The following RBMS3 variants were observed in gnomAD, a reference collection of about 807,000 sequenced individuals.
RBMS3 encodes the protein RNA-binding motif, single-stranded-interacting protein 3.
In RBMS3, 27 loss-of-function variants were observed where a neutral mutation model predicts 66.8. The observed-to-expected ratio is 0.40, with a 90% confidence interval of 0.30 to 0.56. The LOEUF is 0.56. Among genes scored for constraint, RBMS3 ranks in the 20% least tolerant of loss-of-function variants. The pLI is 0.40. For missense variants in RBMS3, 513 were observed against 549.5 expected (o/e 0.93, Z 0.66); for synonymous variants, 188 against 183.0 (o/e 1.03, Z -0.22).
intron 1 of RBMS3, among the ~76,000 whole-genome samples, chr3:29,384,591 C>A (rs141582669): frequency 2.0e-4 from 31 of 152,226 alleles, no homozygotes; most frequent in African/African-American, 7.2e-4. Context: ...CTACCTGTGT[C>A]GTAAAACAGG....
chr3:29,882,327 A>G (rs1182544699), intron 7 of RBMS3, among the ~76,000 whole-genome samples: 1 of 152,138 alleles, frequency 6.6e-6, no homozygotes, highest in Non-Finnish European at 1.5e-5. Flanking sequence ...CAAAAAAACA[A>G]AAACCTTTTT....
At chr3:29,917,215 T>C (rs1402607200) in intron 10 of RBMS3, among the ~76,000 whole-genome samples, 1 of 152,100 alleles carries the variant, frequency 6.6e-6, no homozygotes, top group Non-Finnish European at 1.5e-5. Context: ...AAAAATGCTA[T>C]GGCAAATGAT....
chr3:29,554,750 G>A (rs1221109317), intron 3 of RBMS3, among the ~76,000 whole-genome samples: 1 of 152,094 alleles, frequency 6.6e-6, no homozygotes, highest in African/African-American at 2.4e-5. Context: ...ACAGATATAA[G>A]AAACTATGAG....
chr3:29,651,017 AT>A (rs923072834), intron 4 of RBMS3, among the ~76,000 whole-genome samples: 1 of 151,886 alleles, frequency 6.6e-6, no homozygotes, highest in African/African-American at 2.4e-5. Context: ...TTAGTTGTTG[AT>A]TTTTTTTGAT....
At position 29,763,858 on chromosome 3, in the gene RBMS3, G is replaced by A. The variant is rs139785479; in HGVS notation, c.637+869G>A. On this transcript the variant is annotated intron_variant, in intron 6 of 14. Transcript: ENST00000383767. ...AGATTCATCTGAATAAGGCAGTTTG[G>A]TTTATTTGTTGGTCTTTTATATACA... Among the ~76,000 whole-genome samples, 961 of 152,064 alleles carry A rather than the reference G, an allele frequency of 6.3e-3. 19 individuals are homozygous for A. The highest frequency in any genetic ancestry group is 0.035 in the Admixed American group (534 of 15,240).
chr3:29,370,067 G>A (rs577192246), intron 1 of RBMS3, among the ~76,000 whole-genome samples: 24 of 152,334 alleles, frequency 1.6e-4, no homozygotes, highest in African/African-American at 4.8e-4. Flanking sequence ...ATTCAGGGAT[G>A]ATGGACAGCC....
chr3:29,296,685 A>G (rs894786005), intron 1 of RBMS3, among the ~76,000 whole-genome samples: 2 of 151,804 alleles, frequency 1.3e-5, no homozygotes, highest in Non-Finnish European at 2.9e-5. Context: ...AAGATGGGAG[A>G]TCATAAAGTC....
chr3:29,459,704 T>A (rs1379096113), intron 2 of RBMS3, among the ~76,000 whole-genome samples: 9 of 152,170 alleles, frequency 5.9e-5, no homozygotes, highest in Admixed American at 5.9e-4. Flanking sequence ...AAGGACATAA[T>A]CACAAGAGTG....
At chr3:29,691,718 T>C (rs1015728761) in intron 4 of RBMS3, among the ~76,000 whole-genome samples, 3 of 152,162 alleles carry the variant, frequency 2.0e-5, no homozygotes, top group African/African-American at 7.2e-5. Flanking sequence ...TTTTGGTTGG[T>C]TTCTCTGACA....
chr3:29,871,588 C>T (rs1361821467), intron 7 of RBMS3, among the ~76,000 whole-genome samples: 3 of 152,056 alleles, frequency 2.0e-5, no homozygotes, highest in Non-Finnish European at 4.4e-5. Context: ...AACAATGGTA[C>T]ACCTTTGAAT....
intron 4 of RBMS3, among the ~76,000 whole-genome samples, chr3:29,673,033 G>C (rs2051075794): frequency 1.3e-5 from 2 of 152,126 alleles, no homozygotes; most frequent in Non-Finnish European, 2.9e-5. Context: ...TAAAAGAACA[G>C]AAATTATAAC....
chr3:29,669,420 A>G (rs1232331825), intron 4 of RBMS3, among the ~76,000 whole-genome samples: 1 of 152,212 alleles, frequency 6.6e-6, no homozygotes, highest in Non-Finnish European at 1.5e-5. Context: ...TGAGTCACAG[A>G]AAGTCATCTA....
At chr3:29,454,411 G>T (rs1405740667) in intron 2 of RBMS3, among the ~76,000 whole-genome samples, 1 of 152,108 alleles carries the variant, frequency 6.6e-6, no homozygotes, top group Admixed American at 6.5e-5. Context: ...TGATTCCTGG[G>T]TAATTCTCAA....
intron 1 of RBMS3, among the ~76,000 whole-genome samples, chr3:29,418,260 T>C (rs1310324475): frequency 1.3e-5 from 2 of 152,176 alleles, no homozygotes; most frequent in Non-Finnish European, 2.9e-5. Flanking sequence ...ATAAAATAAG[T>C]GCAGAATATA....
chr3:29,371,622 G>C (rs964266133), intron 1 of RBMS3, among the ~76,000 whole-genome samples: 1 of 152,202 alleles, frequency 6.6e-6, no homozygotes, highest in Non-Finnish European at 1.5e-5. Context: ...ATGAGAACAT[G>C]TATGTGTCTG....
chr3:29,974,438 G>T (rs1697423892), intron 12 of RBMS3, among the ~76,000 whole-genome samples: 1 of 151,720 alleles, frequency 6.6e-6, no homozygotes, highest in African/African-American at 2.4e-5. Context: ...TTTTTTAAAA[G>T]CTCTTTTATT....
chr3:29,387,625 G>A (rs533197579), intron 1 of RBMS3, among the ~76,000 whole-genome samples: 62 of 152,118 alleles, frequency 4.1e-4, no homozygotes, highest in African/African-American at 1.3e-3. Flanking sequence ...ATAGATGGCC[G>A]GGCGCGGTGG....
At position 29,928,199 on chromosome 3, in the gene RBMS3, T is replaced by TACAC. The variant is rs1201815567; in HGVS notation, c.940-7886_940-7885insCACA. Among the ~76,000 whole-genome samples the TACAC allele has an allele frequency of 7.9e-4, 84 of 106,712 alleles. 1 individual carries two copies. The highest frequency in any genetic ancestry group is 2.7e-3 in the African/African-American group (80 of 29,358). 70.0% of individuals were successfully genotyped at this position (106,712 alleles called of 152,430 possible). On this transcript the variant is annotated intron_variant, in intron 10 of 14. Coordinates refer to ENST00000383767, the MANE Select transcript of RBMS3 (RefSeq NM_001003793.3). ...CAAATTTTATATATATATATATATA[T>TACAC]ATATATATATATACACACACACACA...
chr3:29,463,513 A>T (rs1246393492), intron 2 of RBMS3, among the ~76,000 whole-genome samples: 1 of 151,776 alleles, frequency 6.6e-6, no homozygotes, highest in Non-Finnish European at 1.5e-5. Context: ...AGCCAATCCC[A>T]GTTCTGTCAG....
Sources: gnomAD v4.1 joint callset for allele counts (sites outside exome capture counted in the v4.1 genomes callset) on GRCh38, gnomAD v4.1.1 for gene constraint, MANE v1.5 for transcripts, NCBI Gene and HGNC (gene_info 2026-07-23, HGNC 2026-07-21) for gene names.